Variants in WNT7A observed in about 807,000 individuals in gnomAD.
WNT7A encodes the protein protein Wnt-7a.
WNT7A carries 16 observed loss-of-function variants against 28.2 expected under a neutral mutation model. The observed-to-expected ratio is 0.57, with a 90% confidence interval of 0.38 to 0.86. The LOEUF (loss-of-function observed/expected upper bound fraction) is 0.86, where lower values mean the gene tolerates loss of function less well. Ranked by LOEUF, WNT7A falls within the 40% of genes least tolerant of loss-of-function variation. The pLI is 0.00. For missense variants in WNT7A, 411 were observed against 489.7 expected, an observed-to-expected ratio of 0.84 and a Z score of 1.52; for synonymous variants, 190 against 195.9, an observed-to-expected ratio of 0.97 and a Z score of 0.25.
At chr3:13,867,153 T>C (rs1009146303) in intron 2 of WNT7A, among the ~76,000 whole-genome samples, 32 of 152,228 alleles carry the variant, frequency 2.1e-4, no homozygotes, top group African/African-American at 6.7e-4. Context: ...TCCCGTATCA[T>C]GTAATGCCAC....
At chr3:13,833,256 T>G (rs1694310945) in intron 3 of WNT7A, among the ~76,000 whole-genome samples, 1 of 152,076 alleles carries the variant, frequency 6.6e-6, no homozygotes, top group South Asian at 2.1e-4. Flanking sequence ...CTCACAGGTA[T>G]GCATGACACA....
intron 3 of WNT7A, among the ~76,000 whole-genome samples, chr3:13,854,279 C>G (rs1694689235): frequency 6.6e-6 from 1 of 152,104 alleles, no homozygotes; most frequent in African/African-American, 2.4e-5. Flanking sequence ...ACATCTGTCC[C>G]TCTTTCCATC....
intron 2 of WNT7A, among the ~76,000 whole-genome samples, chr3:13,864,849 T>C (rs1694885973): frequency 6.6e-6 from 1 of 152,222 alleles, no homozygotes; most frequent in African/African-American, 2.4e-5. Flanking sequence ...TGCTTTCCTG[T>C]ACTTGTATGG....
At chr3:13,850,651 A>G (rs1036944115) in intron 3 of WNT7A, among the ~76,000 whole-genome samples, 1 of 151,058 alleles carries the variant, frequency 6.6e-6, no homozygotes, top group Admixed American at 6.6e-5. Context: ...CAGTCACCAC[A>G]CTCTCATGAA....
At chr3:13,859,348 A>AG (rs2124865001) in intron 2 of WNT7A, among the ~76,000 whole-genome samples, 1 of 152,356 alleles carries the variant, frequency 6.6e-6, no homozygotes, top group South Asian at 2.1e-4. Context: ...ACCTTGGGCA[A>AG]GTCACTTAAC....
intron 3 of WNT7A, among the ~76,000 whole-genome samples, chr3:13,845,539 C>T (rs910013767): frequency 6.6e-6 from 1 of 152,186 alleles, no homozygotes; most frequent in African/African-American, 2.4e-5. Flanking sequence ...TACTCTATAG[C>T]GCTATTAAGT....
chr3:13,847,697 A>T lies in WNT7A; in HGVS notation c.570+6835T>A, dbSNP rs536663333. On this transcript the variant is annotated intron_variant, in intron 3 of 3. Transcript: ENST00000285018. The stretch of plus-strand genomic sequence containing the variant: ...TTCAGACATTACGCTAACTGAAATA[A>T]GACAGACACAAAAGGACAAAAACTA... Among the ~76,000 whole-genome samples the T allele has an allele frequency of 2.6e-5, 4 of 152,282 alleles. No individual in the cohort carries two copies. In the South Asian group the frequency reaches 8.3e-4, roughly 32 times the overall value.
chr3:13,868,206 A>T (rs1694941727), intron 2 of WNT7A, among the ~76,000 whole-genome samples: 1 of 152,100 alleles, frequency 6.6e-6, no homozygotes, highest in Non-Finnish European at 1.5e-5. Flanking sequence ...TATTTAAGAA[A>T]AAAATGGCCA....
At chr3:13,837,975 C>T (rs1694395909) in intron 3 of WNT7A, among the ~76,000 whole-genome samples, 1 of 152,164 alleles carries the variant, frequency 6.6e-6, no homozygotes, top group African/African-American at 2.4e-5. Flanking sequence ...AGGTTCCACG[C>T]TGCCCCGCAA....
At chr3:13,822,764 C>A (rs772282372) in intron 3 of WNT7A, among the ~76,000 whole-genome samples, 2 of 152,140 alleles carry the variant, frequency 1.3e-5, no homozygotes, top group Non-Finnish European at 2.9e-5. Flanking sequence ...AATGGGAAGC[C>A]CCTGGAAGGT....
intron 3 of WNT7A, among the ~76,000 whole-genome samples, chr3:13,831,128 T>A (rs1050857640): frequency 6.6e-6 from 1 of 152,180 alleles, no homozygotes; most frequent in Admixed American, 6.5e-5. Context: ...TTTCTCGGCC[T>A]AGGGCTCAAT....
At chr3:13,819,580 G>C (rs1694079581) in intron 3 of WNT7A, among the ~76,000 whole-genome samples, 157 bp from the exon 4 acceptor site, 1 of 146,776 alleles carries the variant, frequency 6.8e-6, no homozygotes, top group Non-Finnish European at 1.5e-5. Flanking sequence ...CTGGATTCTA[G>C]GCCCTCTCAT....
chr3:13,857,453 A>C (rs893127395), intron 2 of WNT7A, among the ~76,000 whole-genome samples: 1 of 152,202 alleles, frequency 6.6e-6, no homozygotes, highest in African/African-American at 2.4e-5. Context: ...AAAGCTAGAC[A>C]GGCACACAGG....
intron 2 of WNT7A, among the ~76,000 whole-genome samples, chr3:13,857,629 G>T (rs1190123834): frequency 6.6e-6 from 1 of 152,150 alleles, no homozygotes. Context: ...CCCCGGTCCA[G>T]TGATTCCCCG....
chr3:13,847,236 C>T (rs934858639), intron 3 of WNT7A, among the ~76,000 whole-genome samples: 1 of 152,212 alleles, frequency 6.6e-6, no homozygotes, highest in African/African-American at 2.4e-5. Flanking sequence ...GCTCCTTTCT[C>T]TAGGCCCAGA....
At chr3:13,861,459 C>T (rs1694830540) in intron 2 of WNT7A, among the ~76,000 whole-genome samples, 1 of 152,266 alleles carries the variant, frequency 6.6e-6, no homozygotes, top group Non-Finnish European at 1.5e-5. Context: ...TCAGACATGG[C>T]TTTGCCTTCG....
chr3:13,877,104 T>A (rs1325001830), intron 1 of WNT7A: 1 of 149,438 alleles, frequency 6.7e-6, no homozygotes, highest in Non-Finnish European at 1.5e-5. Context: ...ACCTATTACA[T>A]GGCAGGTGCC....
At chr3:13,826,568 G>A (rs956587427) in intron 3 of WNT7A, among the ~76,000 whole-genome samples, 2 of 152,150 alleles carry the variant, frequency 1.3e-5, no homozygotes, top group African/African-American at 4.8e-5. Context: ...GGCATGGTGA[G>A]TGGCCAGAAA....
At chr3:13,871,830 C>G (rs1695030523) in intron 2 of WNT7A, among the ~76,000 whole-genome samples, 1 of 152,124 alleles carries the variant, frequency 6.6e-6, no homozygotes, top group Non-Finnish European at 1.5e-5. Context: ...ACTGTCCCTC[C>G]CTTATTGTCT....
Sources: gnomAD v4.1 joint callset for allele counts (sites outside exome capture counted in the v4.1 genomes callset) on GRCh38, gnomAD v4.1.1 for gene constraint, MANE v1.5 for transcripts, NCBI Gene and HGNC (gene_info 2026-07-23, HGNC 2026-07-21) for gene names.